Variants in SHCBP1 observed in about 807,000 individuals in gnomAD.
The protein encoded by SHCBP1 is SHC binding and spindle associated 1.
Under a neutral mutation model 75.1 loss-of-function variants are expected in SHCBP1, and 60 were observed. The ratio of observed to expected loss-of-function variants is 0.80; its 90% CI spans 0.65 to 0.99. The LOEUF (loss-of-function observed/expected upper bound fraction) is 0.99, where lower values mean the gene tolerates loss of function less well. Among genes scored for constraint, SHCBP1 ranks in the 50% least tolerant of loss-of-function variants. SHCBP1 has a pLI of 0.00. For synonymous variants in SHCBP1, 290 were observed against 293.2 expected (o/e 0.99, Z 0.11); for missense variants, 709 against 809.4 (o/e 0.88, Z 1.50).
intron 5 of SHCBP1, among the ~76,000 whole-genome samples, chr16:46,606,747 A>G (rs1965331490): frequency 6.6e-6 from 1 of 152,234 alleles, no homozygotes. Flanking sequence ...AATAGAAATC[A>G]TAGCCCATTT....
intron 10 of SHCBP1, among the ~76,000 whole-genome samples, chr16:46,594,582 T>C (rs1402110703): frequency 2.0e-5 from 3 of 151,784 alleles, no homozygotes; most frequent in East Asian, 3.9e-4. Context: ...AAACAAAAAA[T>C]AGTCAAAACA....
chr16:46,621,217 G>A, intron 1 of SHCBP1, 40 bp downstream of exon 1: 3 of 1,573,770 alleles, frequency 1.9e-6, no homozygotes, highest in Non-Finnish European at 2.6e-6. Flanking sequence ...CCAGGCCTCC[G>A]CTCAGAGGCG....
At chr16:46,591,377 T>A (rs936173300) in intron 10 of SHCBP1, among the ~76,000 whole-genome samples, 2 of 152,096 alleles carry the variant, frequency 1.3e-5, no homozygotes, top group African/African-American at 4.8e-5. Context: ...CAGGTGTGGC[T>A]ATATTCACAT....
intron 11 of SHCBP1, 118 bp from the exon 12 acceptor site, chr16:46,583,775 G>T: frequency 1.6e-6 from 2 of 1,238,034 alleles, no homozygotes; most frequent in Non-Finnish European, 2.2e-6. Flanking sequence ...TTAGTCCCAT[G>T]TTGTAGCACA....
In SHCBP1 at chr16:46,621,249, G is replaced by C. The variant is rs994580391; in HGVS notation, c.103+8C>G. 16 of 1,604,488 alleles carry C rather than the reference G, an allele frequency of 1.0e-5. No individual in the cohort carries two copies. In the East Asian group the frequency reaches 3.6e-4, roughly 36 times the overall value. ...GGCGGCTCCTCGGCCCCGGCATGGA[G>C]AGCTCACCTTTCTCCAGAGACGCCA... On this transcript the variant is annotated splice_region_variant and intron_variant, in intron 1 of 12. Transcript: ENST00000303383.
intron 10 of SHCBP1, among the ~76,000 whole-genome samples, chr16:46,589,929 A>G (rs377184565): frequency 2.0e-5 from 3 of 152,106 alleles, no homozygotes; most frequent in Non-Finnish European, 2.9e-5. Context: ...ATACTACAAG[A>G]CTACAGTAAC....
chr16:46,600,786 G>A (rs958170147), intron 8 of SHCBP1, among the ~76,000 whole-genome samples: 1 of 152,354 alleles, frequency 6.6e-6, no homozygotes, highest in Admixed American at 6.5e-5. Context: ...GCTGAGGCAG[G>A]TGGATCACTT....
At chr16:46,584,556 G>A (rs1024869589) in intron 10 of SHCBP1, among the ~76,000 whole-genome samples, 1 of 152,046 alleles carries the variant, frequency 6.6e-6, no homozygotes, top group East Asian at 1.9e-4. Context: ...TTTCCAAAAC[G>A]TGTCAGTTTT....
intron 4 of SHCBP1, among the ~76,000 whole-genome samples, chr16:46,608,840 T>C (rs1287926930): frequency 3.3e-5 from 5 of 151,980 alleles, no homozygotes; most frequent in African/African-American, 1.2e-4. Flanking sequence ...ACCTCATGAT[T>C]CACCCGCCTC....
In SHCBP1 at chr16:46,583,618, T is replaced by G. The variant is rs772141428; in HGVS notation, c.1591A>C (p.Met531Leu). ...DEHYDIPKIS[M>L]VNNIIHNNEG... ...TTATTATGTATTATATTATTCACCA[T>G]GGATATCTTGGGAATGTCATAATGT... Residue 531 changes from methionine to leucine, a missense_variant, in exon 12 of 13, where the codon ATG (methionine) becomes CTG (leucine). Coordinates refer to ENST00000303383, the MANE Select transcript of SHCBP1 (RefSeq NM_024745.5). 6.2e-7 allele frequency: 1 copy of G among 1,607,694 alleles called. No individual in the cohort carries two copies. Among genetic ancestry groups the G allele is most frequent in the Middle Eastern group, 1.7e-4 (1 of 6,008 alleles).
chr16:46,608,357 T>C lies in SHCBP1; in HGVS notation c.629A>G (p.Asp210Gly). 3.7e-6 allele frequency: 6 copies of C among 1,613,784 alleles called. No homozygotes were observed. Among genetic ancestry groups the C allele is most frequent in the East Asian group, 2.2e-5 (1 of 44,854 alleles). ...FFYQNIWRSW[D>G]EEEEDEYDYF... is the part of the protein sequence containing the mutation. The stretch of plus-strand genomic sequence containing the variant: ...ATCGTATTCATCCTCCTCTTCTTCA[T>C]CCCAACTCCTCCAAATGTTTTGGTA... Residue 210 changes from aspartate (D) to glycine (G), a missense_variant, in exon 5 of 13, where the codon GAT becomes GGT. Transcript: ENST00000303383.
chr16:46,596,730 CTT>C (rs574771448), intron 9 of SHCBP1, among the ~76,000 whole-genome samples: 17 of 139,854 alleles, frequency 1.2e-4, no homozygotes, highest in Non-Finnish European at 1.7e-4. Flanking sequence ...AATGAGTAAA[CTT>C]TTTTTTTTTT....
chr16:46,603,907 G>C, intron 7 of SHCBP1, 68 bp downstream of exon 7: 1 of 1,532,532 alleles, frequency 6.5e-7, no homozygotes, highest in Non-Finnish European at 8.8e-7. Flanking sequence ...TACTTTGTGG[G>C]ATTTGTGAAA....
Position 46,600,103 on chromosome 16 carries a change from A to G in SHCBP1, c.1214-141T>C, listed in dbSNP as rs190979527. Reference sequence around the variant, plus strand: ...ACCATGTTGCATTTAAATAAAATCTATCTCCCCACATATCCTGTTTAATTT... The same window carrying G: ...ACCATGTTGCATTTAAATAAAATCTGTCTCCCCACATATCCTGTTTAATTT... On this transcript the variant is annotated intron_variant, in intron 8 of 12. Transcript: ENST00000303383. 4 of 934,238 alleles carry G rather than the reference A, an allele frequency of 4.3e-6. No individual in the cohort carries two copies. In the East Asian group the frequency reaches 1.1e-4, roughly 26 times the overall value. The allele number at this position is 934,238 out of a possible 1,614,324, so 57.9% of individuals were successfully genotyped here. A position where few individuals can be genotyped will look rare whatever the true frequency, so the allele number is the denominator to read the frequency against.
At chr16:46,597,241 T>C (rs1043930918) in intron 9 of SHCBP1, among the ~76,000 whole-genome samples, 1 of 152,068 alleles carries the variant, frequency 6.6e-6, no homozygotes. Flanking sequence ...TGAAACCCCA[T>C]CTCTAAAAAA....
chr16:46,598,909 T>C (rs2142999800), intron 9 of SHCBP1, among the ~76,000 whole-genome samples: 1 of 152,342 alleles, frequency 6.6e-6, no homozygotes, highest in East Asian at 1.9e-4. Context: ...GTTACAGAAA[T>C]GGCTGCTTTC....
At chr16:46,596,352 CA>C (rs1196136960) in intron 9 of SHCBP1, among the ~76,000 whole-genome samples, 2 of 151,476 alleles carry the variant, frequency 1.3e-5, no homozygotes, top group African/African-American at 2.4e-5. Flanking sequence ...CTAAAAAACA[CA>C]AAAATTAGCC....
chr16:46,581,665 G>T lies in SHCBP1; in HGVS notation c.*64C>A. Reference sequence around the variant, plus strand: ...GACAATACAGCAAACTACAATGGCAGCAGTGATTCTTAGGGCAGCATGTGC... The same window carrying T: ...GACAATACAGCAAACTACAATGGCATCAGTGATTCTTAGGGCAGCATGTGC... On this transcript the variant is annotated 3_prime_UTR_variant, in exon 13 of 13. Coordinates refer to ENST00000303383, the MANE Select transcript of SHCBP1 (RefSeq NM_024745.5). 1 of 1,373,512 alleles carries T rather than the reference G, an allele frequency of 7.3e-7. No homozygotes were observed. The highest frequency in any genetic ancestry group is 1.0e-6 in the Non-Finnish European group (1 of 986,712). The allele number at this position is 1,373,512 out of a possible 1,614,324, so 85.1% of individuals were successfully genotyped here. A position where few individuals can be genotyped will look rare whatever the true frequency, so the allele number is the denominator to read the frequency against.
At chr16:46,583,690 G>C (rs370483223) in intron 11 of SHCBP1, 33 bp from the exon 12 acceptor site, 7 of 1,581,180 alleles carry the variant, frequency 4.4e-6, no homozygotes, top group Admixed American at 4.1e-5. Context: ...TTTAGGAACT[G>C]TCATATTCAA....
Sources: allele counts gnomAD v4.1 joint callset (sites outside exome capture counted in the v4.1 genomes callset), GRCh38; gene constraint gnomAD v4.1.1; transcripts MANE v1.5; gene names NCBI Gene and HGNC (gene_info 2026-07-23, HGNC 2026-07-21).